ZNF721: variants seen among roughly 807,000 people sequenced by gnomAD.
ZNF721 encodes zinc finger protein 721.
ZNF721 carries 2 observed loss-of-function variants against 2.4 expected under a neutral mutation model. That is an observed-to-expected ratio of 0.82 (90% CI 0.34 to 2.58). The LOEUF (loss-of-function observed/expected upper bound fraction) is 2.58, where lower values mean the gene tolerates loss of function less well. ZNF721 is among the 30% of genes most tolerant of loss of function. The probability of loss-of-function intolerance (pLI) is 0.11; values close to 1 mark genes in which losing one functional copy is unlikely to be tolerated. For missense variants in ZNF721, 1,187 were observed against 1,085.5 expected, an observed-to-expected ratio of 1.09 and a Z score of -1.31; for synonymous variants, 398 against 381.8, an observed-to-expected ratio of 1.04 and a Z score of -0.50.
intron 1 of ZNF721, among the ~76,000 whole-genome samples, chr4:494,049 G>A (rs1350120828): frequency 6.6e-6 from 1 of 151,988 alleles, no homozygotes; most frequent in East Asian, 1.9e-4. Flanking sequence ...CTTTTTTCCT[G>A]ATAAAGTATT....
intron 2 of ZNF721, among the ~76,000 whole-genome samples, chr4:457,977 G>C (rs1264387730): frequency 6.6e-6 from 1 of 152,208 alleles, no homozygotes; most frequent in African/African-American, 2.4e-5. Context: ...GAAGACTTTG[G>C]TCTCAGCTGT....
chr4:450,972 T>C (rs1185592410), intron 2 of ZNF721, among the ~76,000 whole-genome samples: 1 of 102,878 alleles, frequency 9.7e-6, no homozygotes, highest in Non-Finnish European at 2.0e-5. Context: ...TATATATATA[T>C]ATATATATAT....
At chr4:471,956 T>C (rs1341976727) in intron 2 of ZNF721, among the ~76,000 whole-genome samples, 1 of 152,256 alleles carries the variant, frequency 6.6e-6, no homozygotes, top group Non-Finnish European at 1.5e-5. Flanking sequence ...CCTCACTTAA[T>C]GTTCAAAACA....
At chr4:479,394 C>T (rs79578106) in intron 1 of ZNF721, among the ~76,000 whole-genome samples, 1 of 152,192 alleles carries the variant, frequency 6.6e-6, no homozygotes, top group Non-Finnish European at 1.5e-5. Context: ...CTGGCTCCCC[C>T]AGAACACCTC....
At chr4:460,866 G>A (rs954395198) in intron 2 of ZNF721, among the ~76,000 whole-genome samples, 5 of 152,082 alleles carry the variant, frequency 3.3e-5, no homozygotes, top group African/African-American at 1.2e-4. Context: ...ATAAATTCCT[G>A]GACACATACA....
At chr4:493,268 T>G (rs1716070687) in intron 1 of ZNF721, among the ~76,000 whole-genome samples, 1 of 152,246 alleles carries the variant, frequency 6.6e-6, no homozygotes, top group South Asian at 2.1e-4. Context: ...TGAACTAACT[T>G]TGGGAGGAAC....
At chr4:458,390 C>T (rs192994173) in intron 2 of ZNF721, among the ~76,000 whole-genome samples, 4 of 152,186 alleles carry the variant, frequency 2.6e-5, no homozygotes, top group African/African-American at 9.7e-5. Flanking sequence ...CAGAATCCAA[C>T]AGAAGATATT....
chr4:479,765 C>A (rs375718012), intron 1 of ZNF721, among the ~76,000 whole-genome samples: 1 of 152,206 alleles, frequency 6.6e-6, no homozygotes, highest in East Asian at 1.9e-4. Context: ...GTCTGTGAAG[C>A]CAGAGGATTG....
chr4:449,148 G>A (rs1312406670), intron 2 of ZNF721, among the ~76,000 whole-genome samples: 1 of 152,062 alleles, frequency 6.6e-6, no homozygotes, highest in Non-Finnish European at 1.5e-5. Flanking sequence ...TAAAGATAGA[G>A]TGCATAACAA....
chr4:468,220 T>C (rs1715317056), intron 2 of ZNF721, among the ~76,000 whole-genome samples: 2 of 149,414 alleles, frequency 1.3e-5, no homozygotes, highest in Admixed American at 1.3e-4. Context: ...TGAGCTGAGA[T>C]AGCACCACTG....
At chr4:498,546 G>A (rs1716428145) in intron 1 of ZNF721, among the ~76,000 whole-genome samples, 1 of 152,088 alleles carries the variant, frequency 6.6e-6, no homozygotes, top group African/African-American at 2.4e-5. Flanking sequence ...GTACTATTCA[G>A]CTCTAATAAA....
intron 1 of ZNF721, among the ~76,000 whole-genome samples, chr4:485,826 C>T (rs1312785558): frequency 6.6e-6 from 1 of 152,054 alleles, no homozygotes; most frequent in Non-Finnish European, 1.5e-5. Context: ...AATACAAAAA[C>T]TATCCAGGCG....
rs112248407 is a variant in ZNF721 at position 440,958 on chromosome 4, G to A, written c.*737C>T. The A allele has an allele frequency of 0.012, 1,857 of 152,362 alleles. 20 individuals carry two copies. Among genetic ancestry groups the A allele is most frequent in the Non-Finnish European group, 0.018 (1,255 of 68,092 alleles). The allele number at this position is 152,362 out of a possible 1,614,324, so 9.4% of individuals were successfully genotyped here. A position where few individuals can be genotyped will look rare whatever the true frequency, so the allele number is the denominator to read the frequency against. ...TGGGATTACAGGCGTGAGCCACCGCGCCTGGCCTCTGGTTTCTTAACCTGC... is the reference window on the plus strand; with the variant it reads ...TGGGATTACAGGCGTGAGCCACCGCACCTGGCCTCTGGTTTCTTAACCTGC... On this transcript the variant is annotated 3_prime_UTR_variant, in exon 3 of 3. Coordinates refer to ENST00000511833, the MANE Select transcript of ZNF721 (RefSeq NM_133474.4).
chr4:443,571 T>C lies in ZNF721; in HGVS notation c.896A>G (p.His299Arg). ...ACATGTGTAGGGTTTCTCTCCAGTA[T>C]GAATTCTCCTATGTTTAGTAAGGGT... ...STTLTKHRRI[H>R]TGEKPYTCEV... is the part of the protein sequence containing the mutation. Residue 299 changes from histidine (H) to arginine (R), a missense_variant, in exon 3 of 3, where the codon CAT (histidine) becomes CGT (arginine). Coordinates refer to ENST00000511833, the MANE Select transcript of ZNF721 (RefSeq NM_133474.4). 1 of 1,614,076 alleles carries C rather than the reference T, an allele frequency of 6.2e-7. No homozygotes were observed. Among genetic ancestry groups the C allele is most frequent in the Non-Finnish European group, 8.5e-7 (1 of 1,179,946 alleles).
intron 1 of ZNF721, among the ~76,000 whole-genome samples, chr4:490,831 G>T (rs1716002215): frequency 6.6e-6 from 1 of 152,278 alleles, no homozygotes; most frequent in African/African-American, 2.4e-5. Context: ...GCTCATGCCT[G>T]TAATCCCAGC....
intron 2 of ZNF721, among the ~76,000 whole-genome samples, chr4:469,952 G>C (rs1576965418): frequency 1.3e-5 from 2 of 152,272 alleles, no homozygotes; most frequent in East Asian, 3.9e-4. Flanking sequence ...CGCCATCTCG[G>C]CTCACTGCAA....
At chr4:454,562 T>C (rs1560230705) in intron 2 of ZNF721, among the ~76,000 whole-genome samples, 1 of 152,180 alleles carries the variant, frequency 6.6e-6, no homozygotes. Context: ...TGCAAAGCCA[T>C]GGTGGGTGTG....
At chr4:466,672 A>C (rs1412980944) in intron 2 of ZNF721, among the ~76,000 whole-genome samples, 1 of 152,230 alleles carries the variant, frequency 6.6e-6, no homozygotes, top group African/African-American at 2.4e-5. Context: ...GATATCAAAA[A>C]AACAAAGAAA....
In ZNF721 at chr4:441,590, A is replaced by C. The variant is rs1327631657; in HGVS notation, c.*105T>G. On this transcript the variant is annotated 3_prime_UTR_variant, in exon 3 of 3. Coordinates refer to ENST00000511833, the MANE Select transcript of ZNF721 (RefSeq NM_133474.4). The stretch of plus-strand genomic sequence containing the variant: ...TTATGATTAGAAAGGATTGAGGAGC[A>C]TTTAAAGACCGCGACATTCGTCACC... The C allele has an allele frequency of 3.2e-6, 3 of 946,710 alleles. No individual in the cohort carries two copies. In the African/African-American group the frequency reaches 5.0e-5, roughly 16 times the overall value. 58.6% of individuals were successfully genotyped at this position (946,710 alleles called of 1,614,324 possible).
Sources: allele counts gnomAD v4.1 joint callset (sites outside exome capture counted in the v4.1 genomes callset), GRCh38; gene constraint gnomAD v4.1.1; transcripts MANE v1.5; gene names NCBI Gene and HGNC (gene_info 2026-07-23, HGNC 2026-07-21).